Variants in MIA2 observed in about 807,000 individuals in gnomAD.
The protein encoded by MIA2 is MIA SH3 domain ER export factor 2.
In MIA2, 127 loss-of-function variants were observed where a neutral mutation model predicts 167.8. That is an observed-to-expected ratio of 0.76 (90% CI 0.66 to 0.88). MIA2 has a LOEUF of 0.88. MIA2 is among the 40% of genes least tolerant of loss of function. The pLI, the probability that MIA2 is intolerant of heterozygous loss-of-function variation, is 0.00. For synonymous variants in MIA2, 552 were observed against 541.9 expected (o/e 1.02, Z -0.26); for missense variants, 1,690 against 1,624.7 (o/e 1.04, Z -0.69).
At chr14:39,322,113 T>A (rs2066558291) in intron 24 of MIA2, among the ~76,000 whole-genome samples, 1 of 152,124 alleles carries the variant, frequency 6.6e-6, no homozygotes, top group East Asian at 1.9e-4. Context: ...ATTAAAAAAA[T>A]TTACATTAGT....
intron 26 of MIA2, 34 bp from the exon 27 acceptor site, chr14:39,347,679 C>T (rs755085808): frequency 6.2e-7 from 1 of 1,602,158 alleles, no homozygotes; most frequent in African/African-American, 1.3e-5. Context: ...AGTGATAAAT[C>T]ATGTACTTTT....
At chr14:39,330,048 C>G (rs1393866000) in intron 25 of MIA2, among the ~76,000 whole-genome samples, 2 of 152,124 alleles carry the variant, frequency 1.3e-5, no homozygotes, top group Admixed American at 1.3e-4. Flanking sequence ...GGAATGGTAC[C>G]AGCTCCTCCT....
At chr14:39,285,004 C>T (rs7140427) in intron 9 of MIA2, among the ~76,000 whole-genome samples, 132,269 of 152,102 alleles carry the variant, frequency 0.87, 57,970 homozygotes, top group East Asian at 0.96. Context: ...CATCTTGCAC[C>T]GCCCTTAATC....
Position 39,239,923 on chromosome 14 carries a change from T to A in MIA2, c.250-638T>A, listed in dbSNP as rs181905233. On this transcript the variant is annotated intron_variant, in intron 2 of 28. Transcript: ENST00000640607. ...GATTAGAGGGCCAAAAGAAATATGT[T>A]CTTTAAAACTTTAACAGGGTTAGGA... 7.7e-4 allele frequency among the ~76,000 whole-genome samples: 118 copies of A among 152,264 alleles called. 1 individual carries two copies. The highest frequency in any genetic ancestry group is 9.2e-4 in the Admixed American group (14 of 15,300).
chr14:39,356,661 C>T (rs1166602837), intron 23 of MIA2, among the ~76,000 whole-genome samples: 1 of 152,120 alleles, frequency 6.6e-6, no homozygotes, highest in African/African-American at 2.4e-5. Context: ...AATTTTAGAA[C>T]TTTTTCTGCT....
intron 26 of MIA2, 59 bp downstream of exon 26, chr14:39,346,085 G>A: frequency 2.7e-6 from 4 of 1,454,988 alleles, no homozygotes; most frequent in Non-Finnish European, 3.8e-6. Context: ...TAAAGAACTG[G>A]AAGTTAGAAT....
At chr14:39,291,884 G>A (rs2060781897) in intron 10 of MIA2, among the ~76,000 whole-genome samples, 1 of 152,314 alleles carries the variant, frequency 6.6e-6, no homozygotes, top group East Asian at 1.9e-4. Flanking sequence ...AAGCACAGAA[G>A]TGACAAAGGA....
At chr14:39,366,342 T>C (rs2074821913) in intron 23 of MIA2, among the ~76,000 whole-genome samples, 1 of 152,082 alleles carries the variant, frequency 6.6e-6, no homozygotes, top group South Asian at 2.1e-4. Context: ...GGTAGTTGCA[T>C]TGGTGGGCCA....
At chr14:39,334,294 G>T (rs564283930) in intron 25 of MIA2, among the ~76,000 whole-genome samples, 1 of 152,134 alleles carries the variant, frequency 6.6e-6, no homozygotes, top group East Asian at 1.9e-4. Flanking sequence ...GGCTAACATG[G>T]CAAAACCCTG....
chr14:39,281,933 TTTTA>T (rs1218845603), intron 9 of MIA2, among the ~76,000 whole-genome samples: 2 of 152,144 alleles, frequency 1.3e-5, no homozygotes, highest in African/African-American at 2.4e-5. Context: ...TGCTCTCTTA[TTTTA>T]TTTATTTATG....
intron 23 of MIA2, among the ~76,000 whole-genome samples, chr14:39,363,263 C>G (rs995171751): frequency 6.6e-6 from 1 of 152,322 alleles, no homozygotes; most frequent in African/African-American, 2.4e-5. Context: ...GGTGCTGTGG[C>G]TCACACCTGT....
intron 21 of MIA2, among the ~76,000 whole-genome samples, chr14:39,317,089 G>T (rs1039281959): frequency 6.6e-6 from 1 of 152,124 alleles, no homozygotes; most frequent in East Asian, 1.9e-4. Flanking sequence ...TATAAAGATC[G>T]GGACAGCCAG....
At chr14:39,330,978 G>A (rs558199547) in intron 25 of MIA2, among the ~76,000 whole-genome samples, 1 of 152,048 alleles carries the variant, frequency 6.6e-6, no homozygotes, top group East Asian at 1.9e-4. Context: ...TGTTAGGTCC[G>A]CTTGGTCCAG....
At chr14:39,302,096 CCT>C in intron 14 of MIA2, 31 bp from the exon 15 acceptor site, 4 of 1,604,712 alleles carry the variant, frequency 2.5e-6, no homozygotes, top group Non-Finnish European at 3.4e-6. Flanking sequence ...AAGGCATTAC[CCT>C]CTCTATTTTT....
At chr14:39,324,878 A>T (rs1391594845) in intron 24 of MIA2, among the ~76,000 whole-genome samples, 1 of 152,130 alleles carries the variant, frequency 6.6e-6, no homozygotes, top group African/African-American at 2.4e-5. Flanking sequence ...GAGTGCTAGG[A>T]TTACAGGCAT....
intron 9 of MIA2, 60 bp downstream of exon 9, chr14:39,279,597 G>C (rs2058641117): frequency 2.8e-6 from 3 of 1,070,090 alleles, no homozygotes; most frequent in Non-Finnish European, 4.2e-6. Context: ...ACTTCTCACT[G>C]TAGGTACTTC....
intron 6 of MIA2, chr14:39,266,788 C>A: frequency 1.1e-6 from 1 of 943,460 alleles, no homozygotes; most frequent in Non-Finnish European, 1.2e-6. Flanking sequence ...AGCGAGGCTG[C>A]GGAAGGAAAG....
intron 23 of MIA2, among the ~76,000 whole-genome samples, chr14:39,363,367 A>C (rs1371467510): frequency 6.6e-6 from 1 of 152,080 alleles, no homozygotes; most frequent in African/African-American, 2.4e-5. Flanking sequence ...CTGTCTCTAC[A>C]AAAAATACAA....
At chr14:39,240,897 G>A (rs1404933391) in intron 3 of MIA2, among the ~76,000 whole-genome samples, 1 of 152,180 alleles carries the variant, frequency 6.6e-6, no homozygotes, top group African/African-American at 2.4e-5. Context: ...TTAAGAGCAT[G>A]GATTCTGGAG....
Sources: gnomAD v4.1 joint callset for allele counts (sites outside exome capture counted in the v4.1 genomes callset) on GRCh38, gnomAD v4.1.1 for gene constraint, MANE v1.5 for transcripts, NCBI Gene and HGNC (gene_info 2026-07-23, HGNC 2026-07-21) for gene names.